GRM8: variants seen among roughly 807,000 people sequenced by gnomAD.
The protein encoded by GRM8 is glutamate metabotropic receptor 8.
A neutral mutation model predicts 87.2 loss-of-function variants in GRM8; 47 were observed. The observed-to-expected ratio is 0.54, with a 90% CI of 0.43 to 0.69. The LOEUF is 0.69. GRM8 is among the 30% of genes least tolerant of loss of function. The pLI, the probability that GRM8 is intolerant of heterozygous loss-of-function variation, is 0.00. For synonymous variants in GRM8, 396 were observed against 404.5 expected (o/e 0.98, Z 0.25); for missense variants, 1,019 against 1,139.2 (o/e 0.89, Z 1.52).
intron 7 of GRM8, among the ~76,000 whole-genome samples, chr7:126,613,515 T>G (rs1315084176): frequency 6.6e-6 from 1 of 152,150 alleles, no homozygotes; most frequent in Non-Finnish European, 1.5e-5. Context: ...CACTGGGGCT[T>G]GTCGGACAGT....
intron 8 of GRM8, among the ~76,000 whole-genome samples, chr7:126,562,436 G>C (rs188745048): frequency 3.9e-5 from 6 of 152,226 alleles, no homozygotes; most frequent in Admixed American, 2.0e-4. Flanking sequence ...AGGGAGTCCT[G>C]GGATCAGGAA....
intron 3 of GRM8, among the ~76,000 whole-genome samples, chr7:126,933,170 G>GC (rs912457296): frequency 2.0e-5 from 3 of 152,200 alleles, no homozygotes; most frequent in Non-Finnish European, 4.4e-5. Context: ...ATGTGGCTTA[G>GC]CCCCCAGCAG....
chr7:126,584,294 G>A (rs1303039378), intron 8 of GRM8, among the ~76,000 whole-genome samples: 1 of 135,794 alleles, frequency 7.4e-6, no homozygotes, highest in Admixed American at 7.2e-5. Flanking sequence ...GGTGCAATCT[G>A]GGCTCATTGC....
At chr7:127,064,208 A>G (rs1404973285) in intron 3 of GRM8, among the ~76,000 whole-genome samples, 1 of 152,058 alleles carries the variant, frequency 6.6e-6, no homozygotes, top group Non-Finnish European at 1.5e-5. Flanking sequence ...GAACTCTCTA[A>G]TACTGTCAGT....
At chr7:126,984,502 T>C (rs1199926639) in intron 3 of GRM8, among the ~76,000 whole-genome samples, 1 of 152,178 alleles carries the variant, frequency 6.6e-6, no homozygotes, top group Non-Finnish European at 1.5e-5. Context: ...TCCCAGCCTA[T>C]ATCTTTCTCC....
intron 2 of GRM8, among the ~76,000 whole-genome samples, chr7:127,164,682 G>A (rs1035363364): frequency 1.3e-5 from 2 of 152,022 alleles, no homozygotes; most frequent in African/African-American, 4.8e-5. Context: ...GCCATCGTAG[G>A]CAGCTTTTCC....
At chr7:126,553,845 A>C (rs1792853878) in intron 8 of GRM8, among the ~76,000 whole-genome samples, 1 of 152,216 alleles carries the variant, frequency 6.6e-6, no homozygotes, top group Admixed American at 6.5e-5. Context: ...CAATCAAAAT[A>C]TAAGCGTACA....
chr7:126,629,888 T>C (rs542087909), intron 7 of GRM8, among the ~76,000 whole-genome samples: 1 of 152,278 alleles, frequency 6.6e-6, no homozygotes, highest in African/African-American at 2.4e-5. Context: ...CAAAACATAG[T>C]CTGACTTTAG....
chr7:126,908,347 A>G (rs1291797456), intron 3 of GRM8, among the ~76,000 whole-genome samples: 2 of 152,216 alleles, frequency 1.3e-5, no homozygotes, highest in African/African-American at 4.8e-5. Flanking sequence ...TAAGTTGAAG[A>G]CTATGTATAA....
intron 8 of GRM8, among the ~76,000 whole-genome samples, chr7:126,602,751 C>G (rs1187085811): frequency 6.6e-6 from 1 of 151,732 alleles, no homozygotes; most frequent in South Asian, 2.1e-4. Context: ...TGATAGTTTA[C>G]CAACCAAAAA....
intron 3 of GRM8, among the ~76,000 whole-genome samples, chr7:126,987,460 TTTTG>T (rs1167184054): frequency 2.0e-5 from 3 of 152,062 alleles, no homozygotes; most frequent in African/African-American, 4.8e-5. Flanking sequence ...TTTTTTTGTT[TTTTG>T]TTTGTTTGTT....
chr7:126,504,485 A>G (rs769350974), intron 9 of GRM8, among the ~76,000 whole-genome samples: 2 of 151,912 alleles, frequency 1.3e-5, no homozygotes, highest in Non-Finnish European at 2.9e-5. Context: ...TTTGCTGATG[A>G]CTTTTAATTT....
At chr7:126,629,420 G>A (rs568676905) in intron 7 of GRM8, among the ~76,000 whole-genome samples, 1 of 151,946 alleles carries the variant, frequency 6.6e-6, no homozygotes, top group South Asian at 2.1e-4. Context: ...TTCACTTCTT[G>A]TTAAGTTTCA....
chr7:126,595,823 C>A (rs184140098), intron 8 of GRM8, among the ~76,000 whole-genome samples: 2 of 152,070 alleles, frequency 1.3e-5, no homozygotes. Context: ...CATGAACATG[C>A]GTGTGTCTTT....
At chr7:126,449,324 A>G (rs1286546085) in intron 9 of GRM8, among the ~76,000 whole-genome samples, 1 of 151,804 alleles carries the variant, frequency 6.6e-6, no homozygotes, top group Non-Finnish European at 1.5e-5. Flanking sequence ...TCTGAACAGT[A>G]AGTTCTTATC....
rs535751366 is a variant in GRM8 at position 126,645,185 on chromosome 7, C to T, written c.1358-35687G>A. 1.1e-4 allele frequency among the ~76,000 whole-genome samples: 17 copies of T among 152,330 alleles called. No individual in the cohort carries two copies. The South Asian group carries it at 3.1e-3, about 28-fold the overall frequency. On this transcript the variant is annotated intron_variant, in intron 7 of 10. Transcript: ENST00000339582. ...CACAAGAATAGGATTATGGGAGGAA[C>T]CTGAACTCTTCTGAGATGTAGGCAT...
chr7:126,730,021 A>G (rs944915000), intron 7 of GRM8, among the ~76,000 whole-genome samples: 3 of 152,158 alleles, frequency 2.0e-5, no homozygotes, highest in African/African-American at 7.2e-5. Context: ...TTTTACTGAG[A>G]AAGTTCAATT....
At chr7:126,706,425 G>C (rs934119268) in intron 7 of GRM8, among the ~76,000 whole-genome samples, 1 of 152,064 alleles carries the variant, frequency 6.6e-6, no homozygotes, top group East Asian at 1.9e-4. Context: ...AAATCAGAAG[G>C]CAGAGAAAAG....
At chr7:126,625,154 A>C (rs1800548767) in intron 7 of GRM8, among the ~76,000 whole-genome samples, 1 of 152,200 alleles carries the variant, frequency 6.6e-6, no homozygotes, top group Non-Finnish European at 1.5e-5. Flanking sequence ...ATAAAGCTTC[A>C]AGAATAGTGT....
Sources: allele counts gnomAD v4.1 joint callset (sites outside exome capture counted in the v4.1 genomes callset), GRCh38; gene constraint gnomAD v4.1.1; transcripts MANE v1.5; gene names NCBI Gene and HGNC (gene_info 2026-07-23, HGNC 2026-07-21).